Variants in CORO1C observed in about 807,000 individuals in gnomAD.
CORO1C encodes coronin-1C.
Under a neutral mutation model 51.2 loss-of-function variants are expected in CORO1C, and 14 were observed. The ratio of observed to expected loss-of-function variants is 0.27; its 90% CI spans 0.18 to 0.43. CORO1C has a LOEUF of 0.43. Ranked by LOEUF, CORO1C falls within the 20% of genes least tolerant of loss-of-function variation. The pLI is 1.00. For missense variants in CORO1C, 417 were observed against 607.8 expected, an observed-to-expected ratio of 0.69 and a Z score of 3.30; for synonymous variants, 181 against 210.5, an observed-to-expected ratio of 0.86 and a Z score of 1.21.
At chr12:108,677,023 T>C (rs1299301700) in intron 3 of CORO1C, among the ~76,000 whole-genome samples, 2 of 152,200 alleles carry the variant, frequency 1.3e-5, no homozygotes, top group African/African-American at 4.8e-5. Flanking sequence ...GGAATTAATT[T>C]GTATTTATGT....
chr12:108,720,406 GT>G (rs1198550270), intron 1 of CORO1C, among the ~76,000 whole-genome samples: 1 of 152,026 alleles, frequency 6.6e-6, no homozygotes, highest in Non-Finnish European at 1.5e-5. Context: ...AATAAAGCAT[GT>G]TTCAATAAAG....
At chr12:108,724,251 T>G (rs1381548078) in intron 1 of CORO1C, among the ~76,000 whole-genome samples, 1 of 152,184 alleles carries the variant, frequency 6.6e-6, no homozygotes, top group South Asian at 2.1e-4. Context: ...CAAAAGAGCA[T>G]GACGAAAGGC....
At position 108,646,777 on chromosome 12, in the gene CORO1C, A is replaced by T. The variant is rs774908620; in HGVS notation, c.*626T>A. On this transcript the variant is annotated 3_prime_UTR_variant, in exon 11 of 11. Transcript: ENST00000261401. ...TTCCTGTTGTACAGTCATCAAAATGACCAGGTTTGTGCTGCAAAGGAGCCA... is the reference window on the plus strand; with the variant it reads ...TTCCTGTTGTACAGTCATCAAAATGTCCAGGTTTGTGCTGCAAAGGAGCCA... 5 of 152,608 alleles carry T rather than the reference A, an allele frequency of 3.3e-5. No individual in the cohort carries two copies. Among genetic ancestry groups the T allele is most frequent in the Admixed American group, 1.3e-4 (2 of 15,286 alleles). The allele number at this position is 152,608 out of a possible 1,614,324, so 9.5% of individuals were successfully genotyped here. A position where few individuals can be genotyped will look rare whatever the true frequency, so the allele number is the denominator to read the frequency against.
intron 8 of CORO1C, among the ~76,000 whole-genome samples, chr12:108,650,532 A>G (rs534602808): frequency 1.3e-5 from 2 of 152,350 alleles, no homozygotes; most frequent in East Asian, 1.9e-4. Context: ...AGTATAGCCA[A>G]TAAAAAGACT....
rs374363703 is a variant in CORO1C at position 108,709,923 on chromosome 12, T to C, written c.-5-8600A>G. Among the ~76,000 whole-genome samples, 125 of 152,298 alleles carry C rather than the reference T, an allele frequency of 8.2e-4. 4 individuals are homozygous for C. The South Asian group carries it at 0.024, about 29-fold the overall frequency. On this transcript the variant is annotated intron_variant, in intron 1 of 10. Transcript: ENST00000261401. Reference sequence around the variant, plus strand: ...GCTTGCAACAGTAAGATCATCTCAGTAATAAAGAGGAAGACGATGTAGCAG... The same window carrying C: ...GCTTGCAACAGTAAGATCATCTCAGCAATAAAGAGGAAGACGATGTAGCAG...
At chr12:108,656,322 T>C (rs531235061) in intron 6 of CORO1C, among the ~76,000 whole-genome samples, 1 of 43,578 alleles carries the variant, frequency 2.3e-5, no homozygotes, top group East Asian at 1.6e-3. Context: ...AGCCGCCCCG[T>C]CCGGGAGGGA....
chr12:108,659,869 A>T (rs956249920), intron 4 of CORO1C, among the ~76,000 whole-genome samples: 27 of 152,242 alleles, frequency 1.8e-4, no homozygotes, highest in African/African-American at 6.3e-4. Flanking sequence ...CCCAAACTGT[A>T]ATCAAGTAGC....
chr12:108,713,258 G>C (rs944614445), intron 1 of CORO1C, among the ~76,000 whole-genome samples: 1 of 152,132 alleles, frequency 6.6e-6, no homozygotes, highest in Non-Finnish European at 1.5e-5. Flanking sequence ...ATATGGACTT[G>C]TTGAAAAAAA....
chr12:108,656,107 CCGCCCCG>C (rs1447427510), intron 6 of CORO1C, among the ~76,000 whole-genome samples: 13 of 150,552 alleles, frequency 8.6e-5, no homozygotes, highest in Admixed American at 7.9e-4. Flanking sequence ...TGCCCGGCAG[CCGCCCCG>C]TCTGAGAAGT....
chr12:108,697,332 G>A (rs1448293662), intron 2 of CORO1C, among the ~76,000 whole-genome samples: 1 of 152,072 alleles, frequency 6.6e-6, no homozygotes, highest in African/African-American at 2.4e-5. Flanking sequence ...ACAAAAAAGG[G>A]AAAACATTCT....
Position 108,725,997 on chromosome 12 carries a change from C to A in CORO1C, c.-6+5432G>T, listed in dbSNP as rs545923777. Among the ~76,000 whole-genome samples, 51 of 151,930 alleles carry A rather than the reference C, an allele frequency of 3.4e-4. 3 individuals carry two copies. The South Asian group carries it at 0.011, about 32-fold the overall frequency. On this transcript the variant is annotated intron_variant, in intron 1 of 10. Coordinates refer to ENST00000261401, the MANE Select transcript of CORO1C (RefSeq NM_014325.4). ...GACTACAGGCGCGTGCCACCACACC[C>A]GGCTAATTTTTGTATTTTTAGCAGA... is the stretch of plus-strand genomic sequence containing the variant.
chr12:108,729,989 T>C (rs1470010141), intron 1 of CORO1C, among the ~76,000 whole-genome samples: 1 of 152,208 alleles, frequency 6.6e-6, no homozygotes, highest in Non-Finnish European at 1.5e-5. Flanking sequence ...TAGAATGTAA[T>C]CCCAGGCAGA....
Position 108,647,248 on chromosome 12 carries a change from C to G in CORO1C, c.*155G>C. On this transcript the variant is annotated 3_prime_UTR_variant, in exon 11 of 11. Transcript: ENST00000261401. The stretch of plus-strand genomic sequence containing the variant: ...ATTTGGGAGACAAATTGAGTTCTTA[C>G]TGGAATGTGGCCTATCGCTGGTTGA... The G allele has an allele frequency of 1.7e-6, 1 of 585,404 alleles. No individual in the cohort carries two copies. Among genetic ancestry groups the G allele is most frequent in the East Asian group, 3.0e-5 (1 of 33,184 alleles). 36.3% of individuals were successfully genotyped at this position (585,404 alleles called of 1,614,324 possible).
chr12:108,698,828 A>C (rs2034774227), intron 2 of CORO1C, among the ~76,000 whole-genome samples: 1 of 152,262 alleles, frequency 6.6e-6, no homozygotes, highest in African/African-American at 2.4e-5. Flanking sequence ...TGAACTCCAC[A>C]GCTCATCAAT....
intron 1 of CORO1C, chr12:108,701,610 A>G: frequency 7.3e-6 from 3 of 411,000 alleles, no homozygotes; most frequent in Non-Finnish European, 1.3e-5. Flanking sequence ...GAAAGAATTA[A>G]AGAAAATTAG....
chr12:108,706,112 G>A (rs1442862210), intron 1 of CORO1C, among the ~76,000 whole-genome samples: 2 of 151,548 alleles, frequency 1.3e-5, no homozygotes, highest in African/African-American at 4.8e-5. Flanking sequence ...GCTTGAACCC[G>A]GGAGATAGCA....
Position 108,657,330 on chromosome 12 carries a change from C to T in CORO1C, c.724G>A (p.Glu242Lys), listed in dbSNP as rs2033071159. ...VFTTGFSRMS[E>K]RQLALWNPKN... ...GGATTCCAGAGAGCCAGCTGCCGCTCGCTCATGCGGCTGAACCCAGTGGTG... is the reference window on the plus strand; with the variant it reads ...GGATTCCAGAGAGCCAGCTGCCGCTTGCTCATGCGGCTGAACCCAGTGGTG... Residue 242 changes from glutamate (E) to lysine (K), a missense_variant, in exon 6 of 11, where the codon GAG becomes AAG. Coordinates refer to ENST00000261401, the MANE Select transcript of CORO1C (RefSeq NM_014325.4). The T allele has an allele frequency of 2.5e-6, 4 of 1,613,810 alleles. No homozygotes were observed. The highest frequency in any genetic ancestry group is 1.7e-6 in the Non-Finnish European group (2 of 1,179,908).
At chr12:108,684,479 G>A (rs562577593) in intron 2 of CORO1C, among the ~76,000 whole-genome samples, 36 of 152,212 alleles carry the variant, frequency 2.4e-4, no homozygotes, top group Non-Finnish European at 3.8e-4. Flanking sequence ...ATTTATTGCC[G>A]CATTGTTGGA....
chr12:108,678,159 A>C (rs1233917309), intron 3 of CORO1C, 113 bp downstream of exon 3: 1 of 852,672 alleles, frequency 1.2e-6, no homozygotes, highest in East Asian at 2.9e-5. Context: ...CAAAACTGCT[A>C]TAACGTTCTG....
Sources: gnomAD v4.1 joint callset for allele counts (sites outside exome capture counted in the v4.1 genomes callset) on GRCh38, gnomAD v4.1.1 for gene constraint, MANE v1.5 for transcripts, NCBI Gene and HGNC (gene_info 2026-07-23, HGNC 2026-07-21) for gene names.